CCDC88B: variants seen among roughly 807,000 people sequenced by gnomAD.
CCDC88B encodes coiled-coil domain-containing protein 88B.
CCDC88B carries 138 observed loss-of-function variants against 183.7 expected under a neutral mutation model. That is an observed-to-expected ratio of 0.75 (90% CI 0.65 to 0.87). The LOEUF is 0.87. Ranked by LOEUF, CCDC88B falls within the 40% of genes least tolerant of loss-of-function variation. The pLI, the probability that CCDC88B is intolerant of heterozygous loss-of-function variation, is 0.00. For missense variants in CCDC88B, 1,822 were observed against 1,965.6 expected (o/e 0.93, Z 1.38); for synonymous variants, 835 against 867.5 (o/e 0.96, Z 0.66).
In CCDC88B at chr11:64,341,092, T is replaced by G; in HGVS notation, c.319-17T>G. The stretch of plus-strand genomic sequence containing the variant: ...CTTCGGGAAGGCGCCTCATATAGTC[T>G]GCCTCTCTGCCTCCAGGAGGAGCTG... On this transcript the variant is annotated splice_polypyrimidine_tract_variant and intron_variant, in intron 3 of 26. Coordinates refer to ENST00000356786, the MANE Select transcript of CCDC88B (RefSeq NM_032251.6). 6.2e-7 allele frequency: 1 copy of G among 1,614,040 alleles called. No individual in the cohort carries two copies. Among genetic ancestry groups the G allele is most frequent in the Non-Finnish European group, 8.5e-7 (1 of 1,179,970 alleles).
intron 26 of CCDC88B, 167 bp from the exon 27 acceptor site, chr11:64,356,872 C>A: frequency 1.6e-6 from 1 of 636,294 alleles, no homozygotes; most frequent in South Asian, 2.0e-5. Context: ...CTGAGAACAG[C>A]ATTCTGGGCA....
In CCDC88B at chr11:64,344,216, G is replaced by C. The variant is rs139020637; in HGVS notation, c.1675G>C (p.Glu559Gln). 4.5e-5 allele frequency: 72 copies of C among 1,612,318 alleles called. No individual in the cohort carries two copies. Among genetic ancestry groups the C allele is most frequent in the Non-Finnish European group, 5.9e-5 (70 of 1,179,394 alleles). ...ACCTGATTCAGACCCACAGGAGGCA[G>C]AGAGTCCCCTTCAGGCAGCTGCCAT... The part of the protein sequence containing the change: ...QAPDSDPQEA[E>Q]SPLQAAAMDP... The change falls in exon 14 of 27, where the codon GAG becomes CAG. Residue 559 changes from glutamate (E) to glutamine (Q), a missense_variant. By Grantham distance (29) the Glu-to-Gln change is conservative. Transcript: ENST00000356786. The surrounding 1 kb of genome is among the most constrained non-coding windows in gnomAD (Gnocchi z 4.5).
At chr11:64,346,238 G>T (rs1379281906) in intron 14 of CCDC88B, among the ~76,000 whole-genome samples, 1 of 152,134 alleles carries the variant, frequency 6.6e-6, no homozygotes, top group Non-Finnish European at 1.5e-5. Flanking sequence ...GCTGACTAGG[G>T]AGGCATGGGA....
In CCDC88B at chr11:64,349,316, T is replaced by C; in HGVS notation, c.2617-15T>C. On this transcript the variant is annotated splice_polypyrimidine_tract_variant and intron_variant, in intron 14 of 26. Transcript: ENST00000356786. ...TCCTGCCCCCTTGCCCTGAGCCTGC[T>C]CTGCTTGCCCTCAGGAGCTGGAGAA... The C allele has an allele frequency of 6.3e-7, 1 of 1,588,092 alleles. No individual in the cohort carries two copies.
intron 14 of CCDC88B, among the ~76,000 whole-genome samples, chr11:64,346,330 G>T (rs959750103): frequency 2.6e-5 from 4 of 152,150 alleles, no homozygotes; most frequent in Non-Finnish European, 5.9e-5. Context: ...GTGCAGTGGG[G>T]TGATCTTGGT....
intron 14 of CCDC88B, among the ~76,000 whole-genome samples, chr11:64,345,930 G>A (rs9988874): frequency 0.21 from 31,613 of 152,156 alleles, 3,906 homozygotes; most frequent in East Asian, 0.53. Context: ...GCTTGAACCC[G>A]GAAGGCGGAG....
intron 24 of CCDC88B, among the ~76,000 whole-genome samples, chr11:64,354,483 G>A (rs1448111307): frequency 1.3e-5 from 2 of 152,066 alleles, no homozygotes; most frequent in African/African-American, 2.4e-5. Flanking sequence ...GGAGACTGAG[G>A]CCCCGGGAGG....
chr11:64,353,363 C>T lies in CCDC88B; in HGVS notation c.3700C>T (p.Leu1234=), dbSNP rs61746624. The part of the protein sequence containing the change: ...LTTQCELLTQ[L]RSAQEEENRQ... The stretch of plus-strand genomic sequence containing the variant: ...GCCCCCCTGCCAGCTATTGACACAG[C>T]TGCGAAGTGCCCAGGAAGAGGAGAA... Residue 1234 remains leucine, a synonymous_variant, in exon 22 of 27, where the codon CTG becomes TTG. Coordinates refer to ENST00000356786, the MANE Select transcript of CCDC88B (RefSeq NM_032251.6). 8.3e-3 allele frequency: 13,347 copies of T among 1,613,494 alleles called. 108 individuals are homozygous for T. The highest frequency in any genetic ancestry group is 8.4e-3 in the Non-Finnish European group (9,853 of 1,179,890).
At chr11:64,349,278 G>A (rs559864699) in intron 14 of CCDC88B, 53 bp from the exon 15 acceptor site, 32 of 1,510,124 alleles carry the variant, frequency 2.1e-5, no homozygotes, top group Admixed American at 4.4e-5. Flanking sequence ...TCAGGCCTCT[G>A]TCTCCGGCTG....
chr11:64,352,631 G>A (rs2036382510), intron 19 of CCDC88B, 113 bp from the exon 20 acceptor site: 2 of 1,494,664 alleles, frequency 1.3e-6, no homozygotes, highest in Non-Finnish European at 9.0e-7. Flanking sequence ...TTCCTCTGGG[G>A]GACCTAGGCT....
chr11:64,345,101 C>T lies in CCDC88B; in HGVS notation c.2560C>T (p.Arg854Cys), dbSNP rs769055504. 2.1e-5 allele frequency: 32 copies of T among 1,551,012 alleles called. No homozygotes were observed. The highest frequency in any genetic ancestry group is 3.9e-5 in the Admixed American group (2 of 51,676). The change falls in exon 14 of 27, where the codon CGC becomes TGC. Residue 854 changes from arginine to cysteine, a missense_variant. By Grantham distance (180) the Arg-to-Cys change is radical. Transcript: ENST00000356786. ...ERMQVLESEG[R>C]QHLEEAERER... The stretch of plus-strand genomic sequence containing the variant: ...GATGCAGGTGCTGGAGAGCGAGGGC[C>T]GCCAGCACTTGGAGGAGGCTGAGAG...
chr11:64,343,667 C>T (rs974539884), intron 12 of CCDC88B, 52 bp downstream of exon 12: 1 of 1,546,028 alleles, frequency 6.5e-7, no homozygotes, highest in African/African-American at 1.4e-5. Flanking sequence ...TGCTTTCCAG[C>T]AGTGTACTGG....
At chr11:64,354,735 C>T (rs1224502860) in intron 24 of CCDC88B, among the ~76,000 whole-genome samples, 5 of 125,922 alleles carry the variant, frequency 4.0e-5, no homozygotes. Flanking sequence ...TCAGCCCCCT[C>T]TTCTGACCCC....
intron 10 of CCDC88B, 28 bp downstream of exon 10, chr11:64,342,708 G>T: frequency 6.9e-7 from 1 of 1,452,066 alleles, no homozygotes; most frequent in African/African-American, 1.5e-5. Flanking sequence ...CCGCGGGGCG[G>T]GGCGTGCGCG....
In CCDC88B at chr11:64,344,879, C is replaced by T. The variant is rs772222597; in HGVS notation, c.2338C>T (p.His780Tyr). 1.3e-6 allele frequency: 2 copies of T among 1,599,504 alleles called. No homozygotes were observed. Among genetic ancestry groups the T allele is most frequent in the Admixed American group, 1.7e-5 (1 of 57,608 alleles). Reference sequence around the variant, plus strand: ...AGCGCGAAGGGCAGAGGCCGAGGCCCACCGGGAGGCAGAGGCCCAGGCCTG... The same window carrying T: ...AGCGCGAAGGGCAGAGGCCGAGGCCTACCGGGAGGCAGAGGCCCAGGCCTG... The part of the protein sequence containing the change: ...AQARRAEAEA[H>Y]REAEAQAWEQ... Residue 780 changes from histidine to tyrosine, a missense_variant, in exon 14 of 27, where the codon CAC (histidine) becomes TAC (tyrosine). Coordinates refer to ENST00000356786, the MANE Select transcript of CCDC88B (RefSeq NM_032251.6). The surrounding 1 kb of genome is among the most constrained non-coding windows in gnomAD (Gnocchi z 4.5).
intron 1 of CCDC88B, 109 bp downstream of exon 1, chr11:64,340,435 G>T: frequency 7.6e-7 from 1 of 1,310,436 alleles, no homozygotes; most frequent in South Asian, 1.7e-5. Flanking sequence ...GGAGGGGAGG[G>T]CTGGGTTCAA....
Position 64,344,893 on chromosome 11 carries a change from G to C in CCDC88B, c.2352G>C (p.Glu784Asp). Reference sequence around the variant, plus strand: ...AGGCCGAGGCCCACCGGGAGGCAGAGGCCCAGGCCTGGGAGCAAGCCCGGC... The same window carrying C: ...AGGCCGAGGCCCACCGGGAGGCAGACGCCCAGGCCTGGGAGCAAGCCCGGC... ...RAEAEAHREA[E>D]AQAWEQARLR... Residue 784 changes from glutamate to aspartate, a missense_variant, in exon 14 of 27, where the codon GAG becomes GAC. Coordinates refer to ENST00000356786, the MANE Select transcript of CCDC88B (RefSeq NM_032251.6). The surrounding 1 kb of genome is among the most constrained non-coding windows in gnomAD (Gnocchi z 4.5). The C allele has an allele frequency of 6.3e-7, 1 of 1,592,960 alleles. No individual in the cohort carries two copies. The highest frequency in any genetic ancestry group is 8.5e-7 in the Non-Finnish European group (1 of 1,169,678).
intron 26 of CCDC88B, 114 bp from the exon 27 acceptor site, chr11:64,356,925 G>T (rs1186149315): frequency 2.0e-6 from 2 of 989,734 alleles, no homozygotes; most frequent in Non-Finnish European, 3.1e-6. Flanking sequence ...GCAGCTGGAA[G>T]CGGGGGGTAT....
At chr11:64,340,422 GC>G in intron 1 of CCDC88B, 96 bp downstream of exon 1, 1 of 1,313,438 alleles carries the variant, frequency 7.6e-7, no homozygotes, top group Non-Finnish European at 1.0e-6. Flanking sequence ...GCAGAACCAG[GC>G]CGGAGGGGAG....
Sources: allele counts gnomAD v4.1 joint callset (sites outside exome capture counted in the v4.1 genomes callset), GRCh38; gene constraint gnomAD v4.1.1; non-coding constraint Gnocchi (gnomAD v3.1); transcripts MANE v1.5; gene names NCBI Gene and HGNC (gene_info 2026-07-23, HGNC 2026-07-21).